The following BCR variants were observed in gnomAD, a reference collection of about 807,000 sequenced individuals.
BCR encodes breakpoint cluster region protein.
A neutral mutation model predicts 138.6 loss-of-function variants in BCR; 58 were observed. The ratio of observed to expected loss-of-function variants is 0.42; its 90% confidence interval spans 0.34 to 0.52. The LOEUF is 0.52. Ranked by LOEUF, BCR falls within the 20% of genes least tolerant of loss-of-function variation. BCR has a pLI of 0.06. For synonymous variants in BCR, 786 were observed against 730.1 expected (o/e 1.08, Z -1.23); for missense variants, 1,599 against 1,727.2 (o/e 0.93, Z 1.32).
intron 8 of BCR, among the ~76,000 whole-genome samples, chr22:23,281,870 A>T (rs764173487): frequency 9.2e-5 from 14 of 152,202 alleles, no homozygotes; most frequent in Non-Finnish European, 8.8e-5. Context: ...GACACTCAGT[A>T]GCCTTGCTGA....
chr22:23,288,931 A>G (rs1221431226), intron 12 of BCR, among the ~76,000 whole-genome samples: 1 of 152,174 alleles, frequency 6.6e-6, no homozygotes, highest in African/African-American at 2.4e-5. Context: ...CCTCAGGCTC[A>G]TCATTCTCAC....
intron 16 of BCR, among the ~76,000 whole-genome samples, chr22:23,304,561 A>G (rs1041186667): frequency 2.0e-5 from 3 of 152,162 alleles, no homozygotes; most frequent in African/African-American, 7.2e-5. Flanking sequence ...ACCAGTCTCT[A>G]TATGGACGTA....
At chr22:23,294,179 T>C (rs1338517834) in intron 15 of BCR, among the ~76,000 whole-genome samples, 1 of 152,140 alleles carries the variant, frequency 6.6e-6, no homozygotes, top group Non-Finnish European at 1.5e-5. Flanking sequence ...GACATCCCAC[T>C]CCAGGGTGGG....
intron 1 of BCR, among the ~76,000 whole-genome samples, chr22:23,206,602 A>G (rs1476398470): frequency 6.6e-6 from 1 of 152,120 alleles, no homozygotes; most frequent in African/African-American, 2.4e-5. Context: ...AGTTAAGAAA[A>G]TAGTCATTCA....
At chr22:23,266,874 G>A (rs1398174093) in intron 4 of BCR, among the ~76,000 whole-genome samples, 1 of 152,194 alleles carries the variant, frequency 6.6e-6, no homozygotes, top group Non-Finnish European at 1.5e-5. Flanking sequence ...CAAGCCACCT[G>A]GAAGATGTGA....
Position 23,181,246 on chromosome 22 carries a change from C to A in BCR, c.286C>A (p.Arg96Ser). ...CTCCGAGCCCCGAGCGTCCGCGTCG[C>A]GCCCGCAGCCAGCGCCCGCCGACGG... ...GASEPRASAS[R>S]PQPAPADGAD... Residue 96 changes from arginine (R) to serine (S), a missense_variant, in exon 1 of 23, where the codon CGC becomes AGC. Around this residue, in one of 4 missense-constraint regions of BCR, gnomAD observed 806 missense variants for 635.0 expected, o/e 1.27. Coordinates refer to ENST00000305877, the MANE Select transcript of BCR (RefSeq NM_004327.4). 8.1e-7 allele frequency: 1 copy of A among 1,239,018 alleles called. No individual in the cohort carries two copies. The allele number at this position is 1,239,018 out of a possible 1,614,324, so 76.8% of individuals were successfully genotyped here.
intron 16 of BCR, among the ~76,000 whole-genome samples, chr22:23,304,331 A>G (rs2073935550): frequency 1.3e-5 from 2 of 152,088 alleles, no homozygotes; most frequent in South Asian, 2.1e-4. Flanking sequence ...TAAACGTGGA[A>G]TCATACTAGA....
intron 1 of BCR, among the ~76,000 whole-genome samples, chr22:23,184,796 GCAGGCATGGAAAGAGGA>G (rs1569235602): frequency 6.6e-6 from 1 of 152,140 alleles, no homozygotes; most frequent in African/African-American, 2.4e-5. Flanking sequence ...TCCATGTATG[GCAGGCATGGAAAGAGGA>G]ATCCTCACTG....
Position 23,199,109 on chromosome 22 carries a change from C to T in BCR, c.1279+16870C>T, listed in dbSNP as rs183870997. The stretch of plus-strand genomic sequence containing the variant: ...TGCACGCCAGCCAAGGCGACAAGAA[C>T]GAAACTCCGTCTCAAAAAAAAAAAA... On this transcript the variant is annotated intron_variant, in intron 1 of 22. Coordinates refer to ENST00000305877, the MANE Select transcript of BCR (RefSeq NM_004327.4). 3.6e-4 allele frequency: 113 copies of T among 313,528 alleles called. 1 individual carries two copies. Among genetic ancestry groups the T allele is most frequent in the Non-Finnish European group, 5.9e-4 (92 of 156,268 alleles). 19.4% of individuals were successfully genotyped at this position (313,528 alleles called of 1,614,324 possible). A position where few individuals can be genotyped will look rare whatever the true frequency, so the allele number is the denominator to read the frequency against.
intron 1 of BCR, among the ~76,000 whole-genome samples, chr22:23,213,667 C>G (rs1568936704): frequency 6.6e-6 from 1 of 151,924 alleles, no homozygotes; most frequent in African/African-American, 2.4e-5. Context: ...TCCAAAAAAA[C>G]GTAAAAATAT....
At chr22:23,308,497 G>A (rs2073972467) in intron 16 of BCR, among the ~76,000 whole-genome samples, 1 of 152,112 alleles carries the variant, frequency 6.6e-6, no homozygotes, top group Non-Finnish European at 1.5e-5. Flanking sequence ...AGTAGGGACA[G>A]GGTTTCACCA....
At chr22:23,275,202 A>T (rs997951282) in intron 8 of BCR, among the ~76,000 whole-genome samples, 3 of 152,220 alleles carry the variant, frequency 2.0e-5, no homozygotes, top group African/African-American at 7.2e-5. Flanking sequence ...GGCCTGGCCC[A>T]GGAAGGGCAT....
At chr22:23,223,202 G>A (rs2072847429) in intron 1 of BCR, among the ~76,000 whole-genome samples, 1 of 152,198 alleles carries the variant, frequency 6.6e-6, no homozygotes, top group African/African-American at 2.4e-5. Context: ...CATAGCACAA[G>A]GGGTGACACC....
Position 23,202,722 on chromosome 22 carries a change from TGTG to T in BCR, c.1279+20484_1279+20486del, listed in dbSNP as rs953398910. Among the ~76,000 whole-genome samples, 37 of 50,556 alleles carry T rather than the reference TGTG, an allele frequency of 7.3e-4. 1 individual carries two copies. In the Admixed American group the frequency reaches 8.3e-3, roughly 11 times the overall value. The allele number at this position is 50,556 out of a possible 152,430, so 33.2% of individuals were successfully genotyped here. A position where few individuals can be genotyped will look rare whatever the true frequency, so the allele number is the denominator to read the frequency against. On this transcript the variant is annotated intron_variant, in intron 1 of 22. Coordinates refer to ENST00000305877, the MANE Select transcript of BCR (RefSeq NM_004327.4). ...AAGCTTGAGTAATAATTCAATTGTT[TGTG>T]TGTGTGTGTGTGTGTGTGTGTGTAT...
intron 1 of BCR, among the ~76,000 whole-genome samples, chr22:23,250,756 AG>A (rs1190057122): frequency 6.6e-6 from 1 of 152,200 alleles, no homozygotes; most frequent in Non-Finnish European, 1.5e-5. Context: ...AAGGAAGCTG[AG>A]GCAGGAGGAT....
intron 1 of BCR, among the ~76,000 whole-genome samples, chr22:23,226,279 T>G (rs2146238139): frequency 6.6e-6 from 1 of 151,832 alleles, no homozygotes; most frequent in Non-Finnish European, 1.5e-5. Flanking sequence ...GAAGTAATTA[T>G]TTTATATTTA....
At chr22:23,187,364 A>G (rs2146196541) in intron 1 of BCR, among the ~76,000 whole-genome samples, 1 of 146,604 alleles carries the variant, frequency 6.8e-6, no homozygotes, top group East Asian at 2.0e-4. Context: ...AGGACGGTCT[A>G]GTTAGCCTCA....
intron 12 of BCR, 78 bp from the exon 13 acceptor site, chr22:23,289,438 TG>T: frequency 8.3e-7 from 1 of 1,204,146 alleles, no homozygotes; most frequent in Non-Finnish European, 1.2e-6. Context: ...CCAGGGTGTG[TG>T]GTGGAGGTCC....
intron 9 of BCR, 62 bp from the exon 10 acceptor site, chr22:23,284,971 C>T: frequency 1.3e-6 from 2 of 1,549,488 alleles, no homozygotes. Flanking sequence ...CTCTTGACAG[C>T]AGTGACATCA....
Sources: gnomAD v4.1 joint callset for allele counts (sites outside exome capture counted in the v4.1 genomes callset) on GRCh38, gnomAD v4.1.1 for gene constraint, gnomAD v4.1.1 regional missense constraint, MANE v1.5 for transcripts, NCBI Gene and HGNC (gene_info 2026-07-23, HGNC 2026-07-21) for gene names.